The following FANCI variants were observed in gnomAD, a reference collection of about 807,000 sequenced individuals.
FANCI encodes the protein Fanconi anemia group I protein.
FANCI carries 156 observed loss-of-function variants against 176.1 expected under a neutral mutation model. The observed-to-expected ratio is 0.89, with a 90% confidence interval of 0.78 to 1.01. The LOEUF is 1.01. FANCI is among the 50% of genes least tolerant of loss of function. FANCI has a pLI of 0.00. For synonymous variants in FANCI, 613 were observed against 541.7 expected, an observed-to-expected ratio of 1.13 and a Z score of -1.83; for missense variants, 1,678 against 1,534.1, an observed-to-expected ratio of 1.09 and a Z score of -1.57.
At position 89,307,465 on chromosome 15, in the gene FANCI, T is replaced by G. The variant is rs1229260412; in HGVS notation, c.3538-11T>G. 7 of 1,613,098 alleles carry G rather than the reference T, an allele frequency of 4.3e-6. No individual in the cohort carries two copies. The highest frequency in any genetic ancestry group is 5.9e-6 in the Non-Finnish European group (7 of 1,179,434). ...GACAGTCTACTAAATCTAGGAATCTTTTTTTATTAGTATCTCCAGGTGTGT... is the reference window on the plus strand; with the variant it reads ...GACAGTCTACTAAATCTAGGAATCTGTTTTTATTAGTATCTCCAGGTGTGT... On this transcript the variant is annotated splice_polypyrimidine_tract_variant and intron_variant, in intron 32 of 37. Coordinates refer to ENST00000310775, the MANE Select transcript of FANCI (RefSeq NM_001113378.2).
intron 18 of FANCI, among the ~76,000 whole-genome samples, chr15:89,289,847 C>T (rs1279333817): frequency 1.3e-5 from 2 of 151,840 alleles, no homozygotes; most frequent in Non-Finnish European, 2.9e-5. Context: ...TGTGCCACCA[C>T]ACCTGGCTAA....
chr15:89,264,003 C>A lies in FANCI; in HGVS notation c.646C>A (p.Gln216Lys). ...TCAAGAAATACCACCTTTGGTCTAT[C>A]AGCTTCTGGTTCTCTCCTCCAAGGT... ...NLQEIPPLVY[Q>K]LLVLSSKGSR... is the part of the protein sequence containing the mutation. The change falls in exon 8 of 38, where the codon CAG becomes AAG. Residue 216 changes from glutamine (Q) to lysine (K), a missense_variant. Around this residue, in one of 3 missense-constraint regions of FANCI, gnomAD observed 469 missense variants for 436.9 expected, o/e 1.07. Coordinates refer to ENST00000310775, the MANE Select transcript of FANCI (RefSeq NM_001113378.2). The A allele has an allele frequency of 6.2e-7, 1 of 1,614,094 alleles. No individual in the cohort carries two copies.
At chr15:89,259,001 C>G in intron 3 of FANCI, 3 of 515,534 alleles carry the variant, frequency 5.8e-6, no homozygotes. Context: ...ATTTGGGGGC[C>G]TATAATTACA....
At position 89,276,813 on chromosome 15, in the gene FANCI, A is replaced by T; in HGVS notation, c.1215A>T (p.Glu405Asp). ...PKKVLDGKTI[E>D]TSPSLSRMPN... is the part of the protein sequence containing the mutation. ...AGGTTCTTGATGGAAAAACTATTGA[A>T]ACCAGCCCAAGTCTTTCTAGAATGC... The change falls in exon 13 of 38, where the codon GAA becomes GAT. Residue 405 changes from glutamate (E) to aspartate (D), a missense_variant. Around this residue, in one of 3 missense-constraint regions of FANCI, gnomAD observed 1,204 missense variants for 1,077.4 expected, o/e 1.12. Coordinates refer to ENST00000310775, the MANE Select transcript of FANCI (RefSeq NM_001113378.2). 6.2e-7 allele frequency: 1 copy of T among 1,614,186 alleles called. No homozygotes were observed.
At chr15:89,285,298 A>AAGT in intron 18 of FANCI, 80 bp downstream of exon 18, 1 of 1,544,718 alleles carries the variant, frequency 6.5e-7, no homozygotes, top group East Asian at 2.4e-5. Flanking sequence ...CTGATTATAA[A>AAGT]AGTACAATAG....
intron 17 of FANCI, among the ~76,000 whole-genome samples, chr15:89,284,383 T>G (rs542619447): frequency 5.3e-5 from 8 of 152,224 alleles, no homozygotes; most frequent in Non-Finnish European, 1.2e-4. Context: ...TTTATTGCTT[T>G]GGTATAACTA....
At position 89,305,121 on chromosome 15, in the gene FANCI, C is replaced by T; in HGVS notation, c.3065C>T (p.Ala1022Val). The T allele has an allele frequency of 6.2e-7, 1 of 1,614,184 alleles. No individual in the cohort carries two copies. The highest frequency in any genetic ancestry group is 8.5e-7 in the Non-Finnish European group (1 of 1,180,028). Reference protein sequence around the residue: ...KICKENSREDALFCKSLMNLL... With the variant: ...KICKENSREDVLFCKSLMNLL... ...CTTTTCTTCCTATTCCTAGAGGATG[C>T]CTTGTTTTGCAAGAGCTTGATGAAC... Residue 1022 changes from alanine to valine, a missense_variant, in exon 29 of 38, where the codon GCC (alanine) becomes GTC (valine). Physicochemically the swap from Ala to Val is moderately conservative, Grantham distance 64. This residue lies in a region of FANCI where 1,204 missense variants were observed against 1,077.4 expected (regional missense o/e 1.12). Transcript: ENST00000310775.
At position 89,315,268 on chromosome 15, in the gene FANCI, C is replaced by G; in HGVS notation, c.3817-14C>G. ...TGAGTAGGGAGATGTCCCATGCTTA[C>G]AATCTTGTCATAGGTGAACCTGATG... On this transcript the variant is annotated splice_polypyrimidine_tract_variant and intron_variant, in intron 36 of 37. Coordinates refer to ENST00000310775, the MANE Select transcript of FANCI (RefSeq NM_001113378.2). 6.2e-7 allele frequency: 1 copy of G among 1,600,812 alleles called. No homozygotes were observed. The highest frequency in any genetic ancestry group is 1.3e-5 in the African/African-American group (1 of 74,740).
At position 89,273,426 on chromosome 15, in the gene FANCI, CTCT is replaced by C. The variant is rs766563407; in HGVS notation, c.939_941del (p.Leu314del). The C allele has an allele frequency of 4.4e-6, 7 of 1,606,790 alleles. No individual in the cohort carries two copies. The highest frequency in any genetic ancestry group is 1.1e-5 in the South Asian group (1 of 90,456). On this transcript the variant is annotated inframe_deletion, in exon 11 of 38. Transcript: ENST00000310775. ...AATAACTTAAGTCCCTTCAGCATTG[CTCT>C]TCTTCTGTCTGTAACAAGAATACAA...
chr15:89,311,886 C>G (rs1303395574), intron 34 of FANCI, among the ~76,000 whole-genome samples: 1 of 152,160 alleles, frequency 6.6e-6, no homozygotes, highest in African/African-American at 2.4e-5. Context: ...TGTACCGTAC[C>G]TTACATTTGG....
intron 34 of FANCI, 38 bp downstream of exon 34, chr15:89,307,710 G>A (rs1477179751): frequency 6.2e-7 from 1 of 1,614,080 alleles, no homozygotes; most frequent in Non-Finnish European, 8.5e-7. Flanking sequence ...AGGTCTTCAA[G>A]AAAGGATTTC....
rs186620091 is a variant in FANCI, at chr15:89,306,699, A to T, written c.3537+505A>T. ...AGAGTGAGACTCCATCTCAAAAATT[A>T]AAAAAATAAAGTAAAAATCTGCTTT... On this transcript the variant is annotated intron_variant, in intron 32 of 37. Coordinates refer to ENST00000310775, the MANE Select transcript of FANCI (RefSeq NM_001113378.2). Among the ~76,000 whole-genome samples, 404 of 152,184 alleles carry T rather than the reference A, an allele frequency of 2.7e-3. 8 individuals carry two copies. The highest frequency in any genetic ancestry group is 0.015 in the East Asian group (78 of 5,174).
chr15:89,308,406 C>A (rs375387148), intron 34 of FANCI, among the ~76,000 whole-genome samples: 1 of 152,146 alleles, frequency 6.6e-6, no homozygotes, highest in South Asian at 2.1e-4. Context: ...CCTAAGGCCA[C>A]TTAGTCATGC....
chr15:89,256,129 C>G (rs984072465), intron 2 of FANCI, among the ~76,000 whole-genome samples: 1 of 152,220 alleles, frequency 6.6e-6, no homozygotes, highest in Non-Finnish European at 1.5e-5. Flanking sequence ...CAAAAAGAGT[C>G]AACAGCTTCT....
At chr15:89,258,669 TTGC>T (rs2052596624) in intron 2 of FANCI, 32 bp from the exon 3 acceptor site, 2 of 1,539,004 alleles carry the variant, frequency 1.3e-6, no homozygotes, top group African/African-American at 1.4e-5. Context: ...TAAAAGACTG[TTGC>T]CAGAGACTTG....
In FANCI at chr15:89,292,851, A is replaced by G; in HGVS notation, c.2156A>G (p.Glu719Gly). The stretch of plus-strand genomic sequence containing the variant: ...AATAGAATGATTAAGAGTGAGCTGG[A>G]AGACTTTGAACTGGTAATTGCTAAG... ...ITNRMIKSEL[E>G]DFELDKSADF... Residue 719 changes from glutamate to glycine, a missense_variant, in exon 21 of 38, where the codon GAA becomes GGA. Glu to Gly is a moderately conservative substitution (Grantham distance 98). Transcript: ENST00000310775. 1 of 1,614,132 alleles carries G rather than the reference A, an allele frequency of 6.2e-7. No homozygotes were observed. The highest frequency in any genetic ancestry group is 8.5e-7 in the Non-Finnish European group (1 of 1,180,004).
At chr15:89,277,637 CAT>C (rs1323935239) in intron 13 of FANCI, among the ~76,000 whole-genome samples, 1 of 145,528 alleles carries the variant, frequency 6.9e-6, no homozygotes, top group Non-Finnish European at 1.5e-5. Context: ...AAAAAAGAAT[CAT>C]ACTTATTGGT....
chr15:89,265,752 C>T (rs2052919665), intron 9 of FANCI, among the ~76,000 whole-genome samples: 1 of 151,874 alleles, frequency 6.6e-6, no homozygotes, highest in African/African-American at 2.4e-5. Context: ...CTTGAACTGA[C>T]CTCAGGTGAT....
chr15:89,296,879 C>T (rs1335067710), intron 24 of FANCI, among the ~76,000 whole-genome samples: 1 of 148,464 alleles, frequency 6.7e-6, no homozygotes. Context: ...CCAGTAGGGG[C>T]CCCTCACCTC....
Sources: gnomAD v4.1 joint callset for allele counts (sites outside exome capture counted in the v4.1 genomes callset) on GRCh38, gnomAD v4.1.1 for gene constraint, gnomAD v4.1.1 regional missense constraint, MANE v1.5 for transcripts, NCBI Gene and HGNC (gene_info 2026-07-23, HGNC 2026-07-21) for gene names.